Variants in MTREX observed in about 807,000 individuals in gnomAD.
MTREX encodes Mtr4 exosome RNA helicase, also known as exosome RNA helicase MTR4.
In MTREX, 76 loss-of-function variants were observed where a neutral mutation model predicts 135.4. That is an observed-to-expected ratio of 0.56 (90% CI 0.47 to 0.68). MTREX has a LOEUF of 0.68. Ranked by LOEUF, MTREX falls within the 30% of genes least tolerant of loss-of-function variation. MTREX has a pLI of 0.00. For missense variants in MTREX, 920 were observed against 1,262.1 expected, an observed-to-expected ratio of 0.73 and a Z score of 4.11; for synonymous variants, 404 against 401.6, an observed-to-expected ratio of 1.01 and a Z score of -0.07.
rs757777656 is a variant in MTREX, at chr5:55,344,517, T to C, written c.907-5T>C. On this transcript the variant is annotated splice_region_variant and splice_polypyrimidine_tract_variant and intron_variant, in intron 8 of 26. Transcript: ENST00000230640. Reference sequence around the variant, plus strand: ...TTTTGTATGTTTAATTCTTTCTTTTTACAGCCTTGTCATGTTATTTACACA... The same window carrying C: ...TTTTGTATGTTTAATTCTTTCTTTTCACAGCCTTGTCATGTTATTTACACA... The C allele has an allele frequency of 4.5e-5, 72 of 1,589,780 alleles. No individual in the cohort carries two copies. The highest frequency in any genetic ancestry group is 5.4e-5 in the Non-Finnish European group (63 of 1,158,920).
intron 14 of MTREX, among the ~76,000 whole-genome samples, chr5:55,354,314 G>GT (rs1749875421): frequency 6.6e-6 from 1 of 152,220 alleles, no homozygotes; most frequent in African/African-American, 2.4e-5. Context: ...CTTAAAATAA[G>GT]TAACAGCAGA....
intron 8 of MTREX, 143 bp from the exon 9 acceptor site, chr5:55,344,379 G>C (rs1043131337): frequency 3.3e-6 from 2 of 599,432 alleles, no homozygotes; most frequent in Non-Finnish European, 5.9e-6. Flanking sequence ...TCTTGCCTGG[G>C]TTTTAGTGAA....
chr5:55,418,808 GAATAGC>G (rs1323826517), intron 25 of MTREX, among the ~76,000 whole-genome samples: 2 of 151,958 alleles, frequency 1.3e-5, no homozygotes. Context: ...TCCATTTCAA[GAATAGC>G]CATTCCTTCC....
chr5:55,416,189 T>C (rs561517402), intron 25 of MTREX, 57 bp downstream of exon 25: 38 of 1,148,608 alleles, frequency 3.3e-5, no homozygotes, highest in Middle Eastern at 5.2e-4. Flanking sequence ...GTTAGGATGG[T>C]ATTGTTTTAA....
rs543552904 is a variant in MTREX, at chr5:55,371,014, A to G, written c.1810+4139A>G. 1.2e-4 allele frequency among the ~76,000 whole-genome samples: 19 copies of G among 152,350 alleles called. No individual in the cohort carries two copies. The East Asian group carries it at 2.7e-3, about 22-fold the overall frequency. ...AGTACATTTTTCAGTGAGCCATAAG[A>G]GTAGAGGTCCTTGGATTTTACTCTA... On this transcript the variant is annotated intron_variant, in intron 16 of 26. Coordinates refer to ENST00000230640, the MANE Select transcript of MTREX (RefSeq NM_015360.5).
At chr5:55,420,627 A>G (rs1751040184) in intron 25 of MTREX, among the ~76,000 whole-genome samples, 1 of 152,230 alleles carries the variant, frequency 6.6e-6, no homozygotes, top group Admixed American at 6.5e-5. Flanking sequence ...CACATAGTGT[A>G]TAATTTCACT....
chr5:55,327,387 A>G (rs765894858), intron 3 of MTREX: 10 of 195,632 alleles, frequency 5.1e-5, no homozygotes, highest in East Asian at 2.5e-4. Context: ...TTTCTGTTCT[A>G]TGTTGTTTTC....
At chr5:55,406,043 G>A (rs768530643) in intron 22 of MTREX, among the ~76,000 whole-genome samples, 15 of 152,052 alleles carry the variant, frequency 9.9e-5, no homozygotes, top group South Asian at 4.1e-4. Context: ...ATCTTGTTAC[G>A]TGCATAGCAA....
In MTREX at chr5:55,314,163, G is replaced by A. The variant is rs536356150; in HGVS notation, c.134+6016G>A. 1.1e-4 allele frequency among the ~76,000 whole-genome samples: 16 copies of A among 152,270 alleles called. No homozygotes were observed. In the South Asian group the frequency reaches 1.9e-3, roughly 18 times the overall value. On this transcript the variant is annotated intron_variant, in intron 1 of 26. Coordinates refer to ENST00000230640, the MANE Select transcript of MTREX (RefSeq NM_015360.5). Reference sequence around the variant, plus strand: ...ATCTTTGGAATAGATTCCTAGAAGCGAATTACTAGGTCAAAGAGTAACTAA... The same window carrying A: ...ATCTTTGGAATAGATTCCTAGAAGCAAATTACTAGGTCAAAGAGTAACTAA...
At chr5:55,398,281 A>G (rs1750675779) in intron 20 of MTREX, among the ~76,000 whole-genome samples, 1 of 38,582 alleles carries the variant, frequency 2.6e-5, no homozygotes, top group South Asian at 1.4e-3. Context: ...GATTTTAACG[A>G]AGTTATTTAG....
At chr5:55,392,591 G>C (rs2111575166) in intron 19 of MTREX, among the ~76,000 whole-genome samples, 1 of 148,234 alleles carries the variant, frequency 6.7e-6, no homozygotes, top group South Asian at 2.2e-4. Context: ...TAGAGGCTTT[G>C]TATGCATATT....
At chr5:55,339,650 G>A (rs1289031648) in intron 5 of MTREX, among the ~76,000 whole-genome samples, 2 of 152,076 alleles carry the variant, frequency 1.3e-5, no homozygotes, top group Admixed American at 1.3e-4. Context: ...ATTTTCCAGG[G>A]GCTATAAGCA....
intron 19 of MTREX, among the ~76,000 whole-genome samples, chr5:55,388,686 T>G (rs1365970990): frequency 6.6e-6 from 1 of 152,182 alleles, no homozygotes; most frequent in Non-Finnish European, 1.5e-5. Context: ...TTAAATACAT[T>G]TTTGACCTAA....
intron 18 of MTREX, among the ~76,000 whole-genome samples, chr5:55,379,432 G>C (rs554818750): frequency 6.6e-6 from 1 of 152,046 alleles, no homozygotes; most frequent in Admixed American, 6.6e-5. Flanking sequence ...TGATCCACCT[G>C]CCTCGGCCTC....
At chr5:55,353,825 G>T (rs982960854) in intron 14 of MTREX, among the ~76,000 whole-genome samples, 4 of 152,174 alleles carry the variant, frequency 2.6e-5, no homozygotes, top group Non-Finnish European at 4.4e-5. Flanking sequence ...ATGATAGGAG[G>T]TTAAGTGTGC....
At chr5:55,363,132 T>A (rs1289005958) in intron 15 of MTREX, among the ~76,000 whole-genome samples, 1 of 152,204 alleles carries the variant, frequency 6.6e-6, no homozygotes, top group Admixed American at 6.5e-5. Context: ...TTTAAATTAT[T>A]TGTAAATTTA....
chr5:55,347,360 A>T (rs1166985147), intron 11 of MTREX, among the ~76,000 whole-genome samples: 1 of 152,110 alleles, frequency 6.6e-6, no homozygotes, highest in African/African-American at 2.4e-5. Context: ...ACATTGTTCT[A>T]TTTAAAATTT....
At chr5:55,318,643 G>A (rs1403451305) in intron 1 of MTREX, among the ~76,000 whole-genome samples, 1 of 152,072 alleles carries the variant, frequency 6.6e-6, no homozygotes, top group East Asian at 1.9e-4. Context: ...AGGGAGAGGA[G>A]CAGAAAAGAT....
chr5:55,414,596 A>T (rs1421069787), intron 24 of MTREX, among the ~76,000 whole-genome samples: 1 of 152,042 alleles, frequency 6.6e-6, no homozygotes, highest in African/African-American at 2.4e-5. Flanking sequence ...GATTTAGTTT[A>T]TTTTTAATTT....
Sources: allele counts gnomAD v4.1 joint callset (sites outside exome capture counted in the v4.1 genomes callset), GRCh38; gene constraint gnomAD v4.1.1; transcripts MANE v1.5; gene names NCBI Gene and HGNC (gene_info 2026-07-23, HGNC 2026-07-21).